The following DPP6 variants were observed in gnomAD, a reference collection of about 807,000 sequenced individuals.
DPP6 encodes A-type potassium channel modulatory protein DPP6.
In DPP6, 69 loss-of-function variants were observed where a neutral mutation model predicts 122.6. The observed-to-expected ratio is 0.56, with a 90% CI of 0.46 to 0.69. The LOEUF (loss-of-function observed/expected upper bound fraction) is 0.69, where lower values mean the gene tolerates loss of function less well. Ranked by LOEUF, DPP6 falls within the 30% of genes least tolerant of loss-of-function variation. The pLI is 0.00. For missense variants in DPP6, 928 were observed against 1,116.9 expected, an observed-to-expected ratio of 0.83 and a Z score of 2.41; for synonymous variants, 418 against 433.1, an observed-to-expected ratio of 0.97 and a Z score of 0.43.
At chr7:154,249,624 G>A (rs1048849446) in intron 1 of DPP6, among the ~76,000 whole-genome samples, 8 of 152,160 alleles carry the variant, frequency 5.3e-5, no homozygotes, top group African/African-American at 1.9e-4. Flanking sequence ...GGGAGGAGGG[G>A]AGCTTTTGTG....
In DPP6 at chr7:154,052,724, T is replaced by C. The variant is rs1800450510; in HGVS notation, c.-97T>C. On this transcript the variant is annotated 5_prime_UTR_variant, in exon 1 of 26. Transcript: ENST00000377770. The surrounding 1 kb of genome is among the most constrained non-coding windows in gnomAD (Gnocchi z 4.8). The stretch of plus-strand genomic sequence containing the variant: ...CTGCTGCTGCCTCCCCACCGCCTTT[T>C]TTTTTTTTTAATCTGGAGCGGGGTG... 1.6e-6 allele frequency: 2 copies of C among 1,250,362 alleles called. No individual in the cohort carries two copies. Among genetic ancestry groups the C allele is most frequent in the Non-Finnish European group, 2.1e-6 (2 of 973,628 alleles). The allele number at this position is 1,250,362 out of a possible 1,614,324, so 77.5% of individuals were successfully genotyped here. A position where few individuals can be genotyped will look rare whatever the true frequency, so the allele number is the denominator to read the frequency against.
intron 1 of DPP6, chr7:154,092,662 T>C (rs1804943292): frequency 6.6e-6 from 1 of 152,244 alleles, no homozygotes; most frequent in African/African-American, 2.4e-5. Context: ...CTGCTGGCGA[T>C]GGTCATTTTG....
At chr7:154,665,735 C>T (rs183877594) in intron 6 of DPP6, among the ~76,000 whole-genome samples, 11 of 152,152 alleles carry the variant, frequency 7.2e-5, no homozygotes, top group Admixed American at 4.6e-4. Flanking sequence ...CATGGACACA[C>T]ACATATCTAT....
intron 1 of DPP6, among the ~76,000 whole-genome samples, chr7:154,398,702 T>C (rs1815311189): frequency 6.6e-6 from 1 of 152,108 alleles, no homozygotes; most frequent in Non-Finnish European, 1.5e-5. Flanking sequence ...GCCAGGTGCA[T>C]TCACACATCA....
intron 7 of DPP6, among the ~76,000 whole-genome samples, chr7:154,726,597 G>T (rs1842077807): frequency 1.3e-5 from 2 of 152,208 alleles, no homozygotes. Context: ...AGGCCTCCAG[G>T]CCTGTGATGG....
At chr7:154,620,870 T>C (rs1383765139) in intron 5 of DPP6, among the ~76,000 whole-genome samples, 1 of 152,214 alleles carries the variant, frequency 6.6e-6, no homozygotes, top group African/African-American at 2.4e-5. Context: ...ACATTAAATA[T>C]GAAGCTTTCA....
intron 1 of DPP6, among the ~76,000 whole-genome samples, chr7:153,992,600 GC>G (rs1271738180): frequency 2.0e-5 from 3 of 152,196 alleles, no homozygotes; most frequent in Non-Finnish European, 4.4e-5. Context: ...CCTACCCACT[GC>G]CATCAGATCA....
chr7:154,662,509 C>T (rs75684332), intron 6 of DPP6, among the ~76,000 whole-genome samples: 36 of 18,584 alleles, frequency 1.9e-3, no homozygotes, highest in Admixed American at 2.8e-3. Flanking sequence ...CATGGCGTAT[C>T]GGCCGTAGTG....
Position 154,682,766 on chromosome 7 carries a change from C to T in DPP6, c.762+13325C>T, listed in dbSNP as rs544628122. Among the ~76,000 whole-genome samples, 3 of 152,330 alleles carry T rather than the reference C, an allele frequency of 2.0e-5. 1 individual carries two copies. Among genetic ancestry groups the T allele is most frequent in the Middle Eastern group, 6.8e-3 (2 of 294 alleles). ...GTTAATTATCAATACTGGATACTAA[C>T]GTACTTCTGCCCTTTGACGTGGGTA... On this transcript the variant is annotated intron_variant, in intron 7 of 25. Coordinates refer to ENST00000377770, the MANE Select transcript of DPP6 (RefSeq NM_130797.4).
At chr7:154,711,213 C>A (rs1841158438) in intron 7 of DPP6, among the ~76,000 whole-genome samples, 1 of 152,132 alleles carries the variant, frequency 6.6e-6, no homozygotes, top group African/African-American at 2.4e-5. Flanking sequence ...TTAATAATAA[C>A]ATGTTGGGTT....
the DPP6 span, among the ~76,000 whole-genome samples, chr7:153,865,333 G>T: frequency 3.3e-5 from 5 of 152,108 alleles, no homozygotes; most frequent in Non-Finnish European, 7.4e-5. Context: ...GATATTGTTA[G>T]GTTTGGGATT....
chr7:154,407,641 T>A (rs1335439637), intron 1 of DPP6, among the ~76,000 whole-genome samples: 12 of 152,226 alleles, frequency 7.9e-5, no homozygotes, highest in Admixed American at 2.6e-4. Flanking sequence ...TTTGGATTTT[T>A]AAAAAATAGA....
At chr7:153,865,777 T>C in the DPP6 span, among the ~76,000 whole-genome samples, 193 of 151,960 alleles carry the variant, frequency 1.3e-3, 3 homozygotes, top group African/African-American at 4.1e-3. Flanking sequence ...GCATTAGGTA[T>C]ATCTCCTAAT....
rs1200473847 is a variant in DPP6, at chr7:154,540,542, C to A, written c.468C>A (p.Phe156Leu). 3 of 1,604,490 alleles carry A rather than the reference C, an allele frequency of 1.9e-6. No individual in the cohort carries two copies. The highest frequency in any genetic ancestry group is 1.7e-6 in the Non-Finnish European group (2 of 1,173,568). ...PEAKWISDTE[F>L]IYREQKGTVR... ...CTTCCTCTCTTACAGATACAGAATT[C>A]ATCTACAGAGAACAGAAAGGAACAG... Residue 156 changes from phenylalanine to leucine, a missense_variant, in exon 4 of 26, where the codon TTC becomes TTA. Coordinates refer to ENST00000377770, the MANE Select transcript of DPP6 (RefSeq NM_130797.4).
At chr7:154,358,247 T>C (rs1216590771) in intron 1 of DPP6, among the ~76,000 whole-genome samples, 1 of 152,168 alleles carries the variant, frequency 6.6e-6, no homozygotes, top group African/African-American at 2.4e-5. Flanking sequence ...TAGGTCAGTG[T>C]AAGGAGGGGA....
At position 154,848,535 on chromosome 7, in the gene DPP6, T is replaced by G. The variant is rs141765619; in HGVS notation, c.1667-5245T>G. Among the ~76,000 whole-genome samples the G allele has an allele frequency of 2.4e-3, 359 of 152,368 alleles. 1 individual carries two copies. Among genetic ancestry groups the G allele is most frequent in the African/African-American group, 8.2e-3 (339 of 41,592 alleles). On this transcript the variant is annotated intron_variant, in intron 16 of 25. Coordinates refer to ENST00000377770, the MANE Select transcript of DPP6 (RefSeq NM_130797.4). ...GTTTGTTTTCTTGCTATTGAGTAGT[T>G]TGAATTCCTTACATATTTTGGTTAT...
chr7:154,522,204 G>A (rs1827047281), intron 3 of DPP6, among the ~76,000 whole-genome samples: 1 of 152,146 alleles, frequency 6.6e-6, no homozygotes, highest in Non-Finnish European at 1.5e-5. Flanking sequence ...TCAATCTCCT[G>A]ATCTCATGAT....
intron 1 of DPP6, among the ~76,000 whole-genome samples, chr7:154,320,119 TTTTA>T (rs1807810369): frequency 6.6e-6 from 1 of 152,032 alleles, no homozygotes; most frequent in Admixed American, 6.6e-5. Flanking sequence ...TTACCATGTA[TTTTA>T]TTTAATCTAA....
chr7:154,565,112 G>A (rs749730016), intron 4 of DPP6, among the ~76,000 whole-genome samples: 1 of 152,208 alleles, frequency 6.6e-6, no homozygotes, highest in African/African-American at 2.4e-5. Context: ...TTGGCCATGA[G>A]TCCAATGTTT....
Sources: allele counts gnomAD v4.1 joint callset (sites outside exome capture counted in the v4.1 genomes callset), GRCh38; gene constraint gnomAD v4.1.1; non-coding constraint Gnocchi (gnomAD v3.1); transcripts MANE v1.5; gene names NCBI Gene and HGNC (gene_info 2026-07-23, HGNC 2026-07-21).